STXBP6: variants seen among roughly 807,000 people sequenced by gnomAD.
STXBP6 encodes syntaxin-binding protein 6.
STXBP6 carries 21 observed loss-of-function variants against 26.9 expected under a neutral mutation model. The ratio of observed to expected loss-of-function variants is 0.78; its 90% confidence interval spans 0.55 to 1.12. The LOEUF (loss-of-function observed/expected upper bound fraction) is 1.12. Ranked by LOEUF, STXBP6 falls within the 50% of genes most tolerant of loss-of-function variation. The pLI is 0.00. For synonymous variants in STXBP6, 97 were observed against 92.6 expected (o/e 1.05, Z -0.27); for missense variants, 232 against 257.9 (o/e 0.90, Z 0.69).
chr14:25,029,649 A>G (rs189734657), intron 1 of STXBP6, among the ~76,000 whole-genome samples: 8 of 152,286 alleles, frequency 5.3e-5, no homozygotes, highest in African/African-American at 1.9e-4. Flanking sequence ...AAAGACTCCT[A>G]TATAATGCTT....
At chr14:24,853,488 C>T (rs1160541881) in intron 4 of STXBP6, among the ~76,000 whole-genome samples, 5 of 152,058 alleles carry the variant, frequency 3.3e-5, no homozygotes, top group East Asian at 3.9e-4. Flanking sequence ...TATTTAATTG[C>T]GCTAAATCTT....
intron 2 of STXBP6, among the ~76,000 whole-genome samples, chr14:24,877,408 T>G (rs1009999001): frequency 6.6e-6 from 1 of 152,324 alleles, no homozygotes; most frequent in African/African-American, 2.4e-5. Flanking sequence ...CCTCTTCCCC[T>G]GCCTTCCTGT....
At chr14:24,842,731 C>T (rs575953186) in intron 4 of STXBP6, among the ~76,000 whole-genome samples, 1 of 152,076 alleles carries the variant, frequency 6.6e-6, no homozygotes, top group East Asian at 1.9e-4. Flanking sequence ...CTTATTTACT[C>T]ACTACCTGAA....
intron 1 of STXBP6, among the ~76,000 whole-genome samples, chr14:25,032,705 C>A (rs1383897839): frequency 6.6e-6 from 1 of 152,210 alleles, no homozygotes; most frequent in Non-Finnish European, 1.5e-5. Context: ...AATGTAAAAT[C>A]CTTCACATTT....
intron 2 of STXBP6, among the ~76,000 whole-genome samples, chr14:24,887,860 G>T (rs934728025): frequency 2.0e-5 from 3 of 152,206 alleles, no homozygotes; most frequent in African/African-American, 7.2e-5. Context: ...AATGCAGCTT[G>T]ATGCAAGTCC....
intron 2 of STXBP6, among the ~76,000 whole-genome samples, chr14:24,882,175 C>T (rs947525516): frequency 2.0e-5 from 3 of 151,096 alleles, no homozygotes; most frequent in African/African-American, 7.3e-5. Flanking sequence ...GTCAGGAGAT[C>T]GCGACCATCC....
intron 1 of STXBP6, among the ~76,000 whole-genome samples, chr14:25,014,605 C>T (rs945305111): frequency 5.3e-5 from 8 of 152,192 alleles, no homozygotes; most frequent in South Asian, 2.1e-4. Context: ...GCACAGAGTC[C>T]GTGTCCACAG....
chr14:24,974,373 T>C (rs1639071369), intron 2 of STXBP6, among the ~76,000 whole-genome samples: 1 of 152,248 alleles, frequency 6.6e-6, no homozygotes, highest in Admixed American at 6.5e-5. Context: ...GCCCATTCTC[T>C]GTCAGTGTCC....
chr14:24,819,664 T>C (rs2068083306), intron 4 of STXBP6, among the ~76,000 whole-genome samples: 1 of 152,228 alleles, frequency 6.6e-6, no homozygotes, highest in Non-Finnish European at 1.5e-5. Context: ...CTTTTCTAGA[T>C]AGAATGCTCT....
intron 2 of STXBP6, among the ~76,000 whole-genome samples, chr14:24,927,459 AG>A (rs575733855): frequency 3.7e-4 from 56 of 152,378 alleles, no homozygotes; most frequent in African/African-American, 1.2e-3. Context: ...TAATTGCCAA[AG>A]GCAGAACATA....
At chr14:24,961,464 A>C (rs1468241953) in intron 2 of STXBP6, among the ~76,000 whole-genome samples, 1 of 150,698 alleles carries the variant, frequency 6.6e-6, no homozygotes, top group Non-Finnish European at 1.5e-5. Flanking sequence ...AAAAAAAAAA[A>C]CATAAAAAGA....
At chr14:24,822,986 C>G (rs149516368) in intron 4 of STXBP6, among the ~76,000 whole-genome samples, 8 of 152,230 alleles carry the variant, frequency 5.3e-5, no homozygotes, top group African/African-American at 1.9e-4. Context: ...CTGAGGCCAA[C>G]AGCATAGTAA....
intron 1 of STXBP6, among the ~76,000 whole-genome samples, chr14:25,020,291 A>G (rs1179211865): frequency 2.0e-5 from 3 of 152,194 alleles, no homozygotes; most frequent in Non-Finnish European, 2.9e-5. Context: ...TAGTAACATA[A>G]AGTGATTAAA....
intron 1 of STXBP6, among the ~76,000 whole-genome samples, chr14:25,047,320 T>C (rs994527580): frequency 1.8e-4 from 28 of 152,284 alleles, no homozygotes; most frequent in African/African-American, 6.5e-4. Context: ...ATACATCCAT[T>C]TGAAGAGCAA....
At chr14:25,006,317 G>A (rs1266770998) in intron 1 of STXBP6, among the ~76,000 whole-genome samples, 1 of 152,168 alleles carries the variant, frequency 6.6e-6, no homozygotes, top group Admixed American at 6.5e-5. Context: ...CATGGATTAT[G>A]CTGAGAAGCC....
rs1201655800 is a variant in STXBP6 at position 24,922,414 on chromosome 14, A to G, written c.154+52251T>C. On this transcript the variant is annotated intron_variant, in intron 2 of 5. Coordinates refer to ENST00000323944, the MANE Select transcript of STXBP6 (RefSeq NM_001394410.1). ...CACTGTAGCTGCTCTCACCTAGCGG[A>G]ATTATCAATACCATTATTTTTCCTT... Among the ~76,000 whole-genome samples, 11 of 152,214 alleles carry G rather than the reference A, an allele frequency of 7.2e-5. No homozygotes were observed. The East Asian group carries it at 2.1e-3, about 29-fold the overall frequency.
In STXBP6 at chr14:24,819,018, T is replaced by C. The variant is rs776172111; in HGVS notation, c.609+19A>G. The C allele has an allele frequency of 2.6e-6, 4 of 1,556,404 alleles. No individual in the cohort carries two copies. Among genetic ancestry groups the C allele is most frequent in the Non-Finnish European group, 3.5e-6 (4 of 1,149,002 alleles). ...CCCAACACCCCAGAGCTGAGAAGCCTGCTCCTCTCTTGGCCCACCTTGTGC... is the reference window on the plus strand; with the variant it reads ...CCCAACACCCCAGAGCTGAGAAGCCCGCTCCTCTCTTGGCCCACCTTGTGC... On this transcript the variant is annotated intron_variant, in intron 5 of 5. Coordinates refer to ENST00000323944, the MANE Select transcript of STXBP6 (RefSeq NM_001394410.1).
At chr14:24,822,189 C>G (rs144975315) in intron 4 of STXBP6, among the ~76,000 whole-genome samples, 50 of 152,208 alleles carry the variant, frequency 3.3e-4, no homozygotes, top group African/African-American at 1.2e-3. Context: ...TCCTTTGGGT[C>G]CCCTACTTAG....
chr14:25,025,882 A>C (rs2075340344), intron 1 of STXBP6, among the ~76,000 whole-genome samples: 2 of 152,054 alleles, frequency 1.3e-5, no homozygotes, highest in Non-Finnish European at 2.9e-5. Context: ...AAGGATAAAC[A>C]CTCAACTGTT....
Sources: allele counts gnomAD v4.1 joint callset (sites outside exome capture counted in the v4.1 genomes callset), GRCh38; gene constraint gnomAD v4.1.1; transcripts MANE v1.5; gene names NCBI Gene and HGNC (gene_info 2026-07-23, HGNC 2026-07-21).